Variants in PRKCZ observed in about 807,000 individuals in gnomAD.
PRKCZ encodes protein kinase C zeta.
PRKCZ carries 33 observed loss-of-function variants against 79.5 expected under a neutral mutation model. The ratio of observed to expected loss-of-function variants is 0.41; its 90% confidence interval spans 0.31 to 0.55. PRKCZ has a LOEUF of 0.55. PRKCZ is among the 20% of genes least tolerant of loss of function. PRKCZ has a pLI of 0.19. For synonymous variants in PRKCZ, 342 were observed against 320.9 expected, an observed-to-expected ratio of 1.07 and a Z score of -0.70; for missense variants, 578 against 813.5, an observed-to-expected ratio of 0.71 and a Z score of 3.52.
rs1328394301 is a variant in PRKCZ at position 2,168,436 on chromosome 1, GGT to G, written c.975-1080_975-1079del. ...CCCAAAGGCACGGCTTATTCTTCAG[GGT>G]GCCCGACTGGCCACGTGGACGTCTC... On this transcript the variant is annotated intron_variant, in intron 10 of 17. Coordinates refer to ENST00000378567, the MANE Select transcript of PRKCZ (RefSeq NM_002744.6). The surrounding 1 kb of genome is among the most constrained non-coding windows in gnomAD (Gnocchi z 4.7). Among the ~76,000 whole-genome samples the G allele has an allele frequency of 6.6e-6, 1 of 152,124 alleles. No homozygotes were observed. The highest frequency in any genetic ancestry group is 1.9e-4 in the East Asian group (1 of 5,202).
intron 4 of PRKCZ, among the ~76,000 whole-genome samples, chr1:2,130,531 G>A (rs1043094024): frequency 3.3e-5 from 5 of 152,186 alleles, no homozygotes; most frequent in Non-Finnish European, 7.3e-5. Context: ...TAGGGTGTGT[G>A]TATAGAAAGA....
At position 2,097,976 on chromosome 1, in the gene PRKCZ, T is replaced by C. The variant is rs556804878; in HGVS notation, c.335-37286T>C. Reference sequence around the variant, plus strand: ...ACTGCACAGTCTAAGCTAATTCCGATTGGCTATTTTAAAGAGAGTAGCAGT... The same window carrying C: ...ACTGCACAGTCTAAGCTAATTCCGACTGGCTATTTTAAAGAGAGTAGCAGT... On this transcript the variant is annotated intron_variant, in intron 4 of 17. Coordinates refer to ENST00000378567, the MANE Select transcript of PRKCZ (RefSeq NM_002744.6). 2.8e-3 allele frequency among the ~76,000 whole-genome samples: 421 copies of C among 152,154 alleles called. 6 individuals carry two copies. The highest frequency in any genetic ancestry group is 9.1e-3 in the African/African-American group (378 of 41,534).
chr1:2,052,973 CT>C (rs902049748), intron 1 of PRKCZ, among the ~76,000 whole-genome samples: 1 of 152,230 alleles, frequency 6.6e-6, no homozygotes, highest in African/African-American at 2.4e-5. Flanking sequence ...ACCCCGCCCC[CT>C]GTGGGCCTGA....
At position 2,053,884 on chromosome 1, in the gene PRKCZ, C is replaced by T. The variant is rs546625414; in HGVS notation, c.72-1557C>T. On this transcript the variant is annotated intron_variant, in intron 1 of 17. Transcript: ENST00000378567. ...TCTGCCATGATGCTGTGGGCTGTGG[C>T]GAAGACCAGCCAGGTTGGTTCCTGT... is the stretch of plus-strand genomic sequence containing the variant. Among the ~76,000 whole-genome samples, 749 of 152,260 alleles carry T rather than the reference C, an allele frequency of 4.9e-3. 2 individuals carry two copies. The highest frequency in any genetic ancestry group is 7.0e-3 in the Non-Finnish European group (477 of 68,018).
intron 10 of PRKCZ, among the ~76,000 whole-genome samples, chr1:2,157,712 G>GT (rs71578360): frequency 0.37 from 49,011 of 134,094 alleles, 8,779 homozygotes; most frequent in Admixed American, 0.41. Flanking sequence ...CGCCTCCAGA[G>GT]TTTTTTTTTT....
At position 2,127,729 on chromosome 1, in the gene PRKCZ, G is replaced by A. The variant is rs969697540; in HGVS notation, c.335-7533G>A. Among the ~76,000 whole-genome samples the A allele has an allele frequency of 2.0e-5, 3 of 152,194 alleles. No homozygotes were observed. Among genetic ancestry groups the A allele is most frequent in the African/African-American group, 7.2e-5 (3 of 41,424 alleles). ...GGTGGCTTTTTAGGACTCTGCGTTC[G>A]TGTTCTCCATTGTCCCTGGCAGCCC... On this transcript the variant is annotated intron_variant, in intron 4 of 17. Transcript: ENST00000378567. The surrounding 1 kb of genome is among the most constrained non-coding windows in gnomAD (Gnocchi z 5.1).
In PRKCZ at chr1:2,095,724, CCTCCCCACCTTTCCGCTCCCCTCCT is replaced by C. The variant is rs1245351580; in HGVS notation, c.334+36140_334+36164del. On this transcript the variant is annotated intron_variant, in intron 4 of 17. Transcript: ENST00000378567. ...GCTCCCCTCCCCTCCCCTCCTTTTC[CCTCCCCACCTTTCCGCTCCCCTCCT>C]CTCCCCTCCTTTCCGCTCCCCTCCT... Among the ~76,000 whole-genome samples the C allele has an allele frequency of 4.2e-4, 59 of 141,752 alleles. No individual in the cohort carries two copies. The East Asian group carries it at 7.6e-3, about 18-fold the overall frequency. 93.0% of individuals were successfully genotyped at this position (141,752 alleles called of 152,430 possible).
intron 4 of PRKCZ, among the ~76,000 whole-genome samples, chr1:2,089,872 C>T (rs969539636): frequency 3.3e-5 from 5 of 151,832 alleles, no homozygotes; most frequent in Admixed American, 2.0e-4. Flanking sequence ...TGAATGTAGC[C>T]AGGGCAACAT....
At chr1:2,134,503 G>A (rs1206702255) in intron 4 of PRKCZ, among the ~76,000 whole-genome samples, 1 of 152,184 alleles carries the variant, frequency 6.6e-6, no homozygotes, top group Non-Finnish European at 1.5e-5. Flanking sequence ...ACGGTGTTGA[G>A]GAAGGACAAG....
At chr1:2,135,453 T>G in intron 5 of PRKCZ, 106 bp downstream of exon 5, 1 of 1,066,688 alleles carries the variant, frequency 9.4e-7, no homozygotes, top group East Asian at 2.7e-5. Context: ...CTGGGCTCTT[T>G]TTGGCGCCCG....
At chr1:2,114,991 C>A (rs896527675) in intron 4 of PRKCZ, among the ~76,000 whole-genome samples, 2 of 152,272 alleles carry the variant, frequency 1.3e-5, no homozygotes, top group African/African-American at 2.4e-5. Flanking sequence ...CAAACTGCAC[C>A]GCGTCACATA....
At chr1:2,108,951 C>T (rs908485992) in intron 4 of PRKCZ, among the ~76,000 whole-genome samples, 2 of 152,188 alleles carry the variant, frequency 1.3e-5, no homozygotes, top group South Asian at 2.1e-4. Context: ...CCTTCTCCGG[C>T]GTCTGAAGCC....
chr1:2,092,872 G>C (rs1007015911), intron 4 of PRKCZ, among the ~76,000 whole-genome samples: 4 of 152,188 alleles, frequency 2.6e-5, no homozygotes, highest in Non-Finnish European at 5.9e-5. Flanking sequence ...CCACACAGTG[G>C]GCCCAGCTAG....
At position 2,135,356 on chromosome 1, in the gene PRKCZ, C is replaced by T. The variant is rs1354947893; in HGVS notation, c.420+9C>T. 1 of 1,604,336 alleles carries T rather than the reference C, an allele frequency of 6.2e-7. No individual in the cohort carries two copies. The highest frequency in any genetic ancestry group is 8.5e-7 in the Non-Finnish European group (1 of 1,172,936). On this transcript the variant is annotated intron_variant, in intron 5 of 17. Coordinates refer to ENST00000378567, the MANE Select transcript of PRKCZ (RefSeq NM_002744.6). ...CCAAGCGCTTTAACAGGGTGAGTGG[C>T]CCCCTTGGGACTAGTCCCTCAAGGG...
intron 8 of PRKCZ, among the ~76,000 whole-genome samples, chr1:2,150,111 G>A (rs1403559810): frequency 3.4e-5 from 5 of 145,160 alleles, no homozygotes; most frequent in Admixed American, 2.8e-4. Flanking sequence ...GTAGTGAGTC[G>A]AGATCGTGCC....
rs534532602 is a variant in PRKCZ at position 2,082,284 on chromosome 1, G to A, written c.334+22693G>A. ...GGGAGGCTCCGTGGCACGATCACAC[G>A]TGCAGGAGCTGGGGGCTGCCAGAGC... On this transcript the variant is annotated intron_variant, in intron 4 of 17. Coordinates refer to ENST00000378567, the MANE Select transcript of PRKCZ (RefSeq NM_002744.6). The surrounding 1 kb of genome is among the most constrained non-coding windows in gnomAD (Gnocchi z 4.4). 1.1e-5 allele frequency: 5 copies of A among 436,406 alleles called. No homozygotes were observed. The highest frequency in any genetic ancestry group is 3.3e-5 in the South Asian group (2 of 60,746). 27.0% of individuals were successfully genotyped at this position (436,406 alleles called of 1,614,324 possible).
At chr1:2,155,654 C>CT (rs1680869302) in intron 9 of PRKCZ, among the ~76,000 whole-genome samples, 1 of 109,454 alleles carries the variant, frequency 9.1e-6, no homozygotes, top group East Asian at 2.6e-4. Flanking sequence ...GTGACAGCAA[C>CT]AATGATGGTG....
chr1:2,128,576 G>A lies in PRKCZ; in HGVS notation c.335-6686G>A, dbSNP rs1204973794. On this transcript the variant is annotated intron_variant, in intron 4 of 17. Transcript: ENST00000378567. The surrounding 1 kb of genome is among the most constrained non-coding windows in gnomAD (Gnocchi z 6.5). The stretch of plus-strand genomic sequence containing the variant: ...ACGCACAGAGCTCCTTGAGGTTGTC[G>A]GAGTTAAGGCTGAAAGAGGAGGAGC... Among the ~76,000 whole-genome samples, 1 of 152,184 alleles carries A rather than the reference G, an allele frequency of 6.6e-6. No homozygotes were observed. Among genetic ancestry groups the A allele is most frequent in the Non-Finnish European group, 1.5e-5 (1 of 68,028 alleles).
At chr1:2,057,273 C>T (rs1446193444) in intron 3 of PRKCZ, among the ~76,000 whole-genome samples, 2 of 152,208 alleles carry the variant, frequency 1.3e-5, no homozygotes, top group Non-Finnish European at 2.9e-5. Context: ...ATCATTTCCA[C>T]TTTGTCTTTA....
Sources: allele counts gnomAD v4.1 joint callset (sites outside exome capture counted in the v4.1 genomes callset), GRCh38; gene constraint gnomAD v4.1.1; non-coding constraint Gnocchi (gnomAD v3.1); transcripts MANE v1.5; gene names NCBI Gene and HGNC (gene_info 2026-07-23, HGNC 2026-07-21).